ANKRD12: variants seen among roughly 807,000 people sequenced by gnomAD.
ANKRD12 encodes ankyrin repeat domain-containing protein 12.
ANKRD12 carries 85 observed loss-of-function variants against 183.4 expected under a neutral mutation model. The ratio of observed to expected loss-of-function variants is 0.46; its 90% CI spans 0.39 to 0.56. The LOEUF (loss-of-function observed/expected upper bound fraction) is 0.56. Among genes scored for constraint, ANKRD12 ranks in the 20% least tolerant of loss-of-function variants. The pLI is 0.00. For synonymous variants in ANKRD12, 914 were observed against 800.2 expected, an observed-to-expected ratio of 1.14 and a Z score of -2.40; for missense variants, 2,405 against 2,357.1, an observed-to-expected ratio of 1.02 and a Z score of -0.42.
At chr18:9,247,778 G>C (rs944248065) in intron 8 of ANKRD12, among the ~76,000 whole-genome samples, 14 of 148,972 alleles carry the variant, frequency 9.4e-5, no homozygotes, top group Non-Finnish European at 1.9e-4. Context: ...ATAGTTTTGG[G>C]GTTTTTTTGT....
chr18:9,151,493 G>A (rs114734788), intron 1 of ANKRD12, among the ~76,000 whole-genome samples: 1,573 of 152,216 alleles, frequency 0.01, 22 homozygotes, highest in African/African-American at 0.036. Context: ...CAGAAATACT[G>A]AGAACTGATG....
intron 8 of ANKRD12, among the ~76,000 whole-genome samples, chr18:9,234,107 C>T (rs1378055600): frequency 1.3e-5 from 2 of 152,130 alleles, no homozygotes; most frequent in African/African-American, 2.4e-5. Flanking sequence ...TCAGCAGAGC[C>T]GCACAGAATG....
At chr18:9,269,109 T>C (rs1348386031) in intron 10 of ANKRD12, among the ~76,000 whole-genome samples, 1 of 151,964 alleles carries the variant, frequency 6.6e-6, no homozygotes, top group Non-Finnish European at 1.5e-5. Flanking sequence ...CACTGCTCAA[T>C]GAAATAAAAG....
At position 9,257,356 on chromosome 18, in the gene ANKRD12, T is replaced by C. The variant is rs1200359679; in HGVS notation, c.4089T>C (p.Ser1363=). 1 of 1,614,180 alleles carries C rather than the reference T, an allele frequency of 6.2e-7. No homozygotes were observed. Among genetic ancestry groups the C allele is most frequent in the South Asian group, 1.1e-5 (1 of 91,090 alleles). ...CTGAAAGAGACCTTTCAAATGTATC[T>C]AACATACATTCCAGTTTTGCAACTT... The part of the protein sequence containing the change: ...NVPERDLSNV[S]NIHSSFATSP... The change falls in exon 9 of 13, where the codon TCT becomes TCC. Residue 1363 remains serine, a synonymous_variant. Coordinates refer to ENST00000262126, the MANE Select transcript of ANKRD12 (RefSeq NM_015208.5).
intron 8 of ANKRD12, among the ~76,000 whole-genome samples, chr18:9,234,809 A>G (rs1347044812): frequency 1.3e-5 from 2 of 152,082 alleles, no homozygotes; most frequent in African/African-American, 4.8e-5. Flanking sequence ...CGCTGCCCAC[A>G]CTAGTTTCAG....
intron 8 of ANKRD12, among the ~76,000 whole-genome samples, chr18:9,227,703 A>G (rs1282853165): frequency 6.6e-6 from 1 of 152,138 alleles, no homozygotes; most frequent in African/African-American, 2.4e-5. Flanking sequence ...TCATTTGCAT[A>G]TTTATGAGGT....
chr18:9,156,420 G>A (rs1037336593), intron 1 of ANKRD12, among the ~76,000 whole-genome samples: 1 of 152,136 alleles, frequency 6.6e-6, no homozygotes, highest in Non-Finnish European at 1.5e-5. Context: ...TGGAAAGACA[G>A]AGTATTGGTG....
intron 1 of ANKRD12, among the ~76,000 whole-genome samples, chr18:9,177,794 C>CT (rs1328664191): frequency 1.3e-5 from 2 of 152,262 alleles, no homozygotes; most frequent in East Asian, 1.9e-4. Flanking sequence ...GTGAGATCAA[C>CT]TTTTTTTAGC....
chr18:9,159,285 G>A (rs958715978), intron 1 of ANKRD12, among the ~76,000 whole-genome samples: 1 of 152,064 alleles, frequency 6.6e-6, no homozygotes, highest in Non-Finnish European at 1.5e-5. Flanking sequence ...GTTTGTGTCT[G>A]TATTAAAGTA....
chr18:9,280,415 GGACCCGT>G (rs2040056514), intron 12 of ANKRD12, among the ~76,000 whole-genome samples: 1 of 152,120 alleles, frequency 6.6e-6, no homozygotes, highest in African/African-American at 2.4e-5. Flanking sequence ...CGGGGGTTGG[GGACCCGT>G]GCTGTATAAG....
chr18:9,256,862 C>G lies in ANKRD12; in HGVS notation c.3595C>G (p.Leu1199Val). ...TAGATCAGAAAATGAAAAGCCGGGTCTCAGCTCCAGATCTGTATCCATGAT... is the reference window on the plus strand; with the variant it reads ...TAGATCAGAAAATGAAAAGCCGGGTGTCAGCTCCAGATCTGTATCCATGAT... ...SPRSENEKPGLSSRSVSMISV... is the reference protein window; with the variant it reads ...SPRSENEKPGVSSRSVSMISV... The change falls in exon 9 of 13, where the codon CTC becomes GTC. Residue 1199 changes from leucine to valine, a missense_variant. Leu to Val is a conservative substitution (Grantham distance 32, BLOSUM62 1). Around this residue, in one of 7 missense-constraint regions of ANKRD12, gnomAD observed 1,983 missense variants for 1,725.9 expected, o/e 1.15. Coordinates refer to ENST00000262126, the MANE Select transcript of ANKRD12 (RefSeq NM_015208.5). 6.2e-7 allele frequency: 1 copy of G among 1,613,968 alleles called. No individual in the cohort carries two copies. The highest frequency in any genetic ancestry group is 8.5e-7 in the Non-Finnish European group (1 of 1,179,946).
rs974537606 is a variant in ANKRD12, at chr18:9,283,544, T to G, written c.*2418T>G. 1 of 152,436 alleles carries G rather than the reference T, an allele frequency of 6.6e-6. No homozygotes were observed. Among genetic ancestry groups the G allele is most frequent in the South Asian group, 2.1e-4 (1 of 4,830 alleles). The allele number at this position is 152,436 out of a possible 1,614,324, so 9.4% of individuals were successfully genotyped here. On this transcript the variant is annotated 3_prime_UTR_variant, in exon 13 of 13. Coordinates refer to ENST00000262126, the MANE Select transcript of ANKRD12 (RefSeq NM_015208.5). ...GAAGCTCTGAAATGCTAGAAAAAAA[T>G]TTGGAATGGAGTATATGCCTGAAAA...
intron 8 of ANKRD12, among the ~76,000 whole-genome samples, chr18:9,223,696 A>C (rs2036551111): frequency 6.6e-6 from 1 of 152,212 alleles, no homozygotes; most frequent in Non-Finnish European, 1.5e-5. Context: ...ACACTGTCAA[A>C]ATATATAAAG....
intron 1 of ANKRD12, among the ~76,000 whole-genome samples, chr18:9,145,322 T>C (rs991888402): frequency 3.3e-5 from 5 of 152,182 alleles, no homozygotes; most frequent in African/African-American, 1.2e-4. Flanking sequence ...TTTACATAAT[T>C]AACAGTTTTT....
At chr18:9,157,585 G>GTGTGTGTGTGTGTATATA (rs1472659778) in intron 1 of ANKRD12, among the ~76,000 whole-genome samples, 10 of 92,704 alleles carry the variant, frequency 1.1e-4, no homozygotes, top group African/African-American at 3.7e-4. Context: ...GTGTGTGTGT[G>GTGTGTGTGTGTGTATATA]TATATATATA....
intron 8 of ANKRD12, among the ~76,000 whole-genome samples, chr18:9,235,326 A>G (rs1300669914): frequency 2.0e-5 from 3 of 152,200 alleles, no homozygotes; most frequent in South Asian, 4.1e-4. Context: ...ATGCCTGTTA[A>G]CAAAAACAAA....
chr18:9,235,373 G>A (rs1395056587), intron 8 of ANKRD12, among the ~76,000 whole-genome samples: 1 of 152,080 alleles, frequency 6.6e-6, no homozygotes, highest in East Asian at 1.9e-4. Flanking sequence ...TCTTGCCTTC[G>A]TTATATGAAC....
At chr18:9,164,758 G>A (rs2031850764) in intron 1 of ANKRD12, among the ~76,000 whole-genome samples, 1 of 152,140 alleles carries the variant, frequency 6.6e-6, no homozygotes, top group Admixed American at 6.5e-5. Context: ...TTCTAAGAGA[G>A]TTTGTTGTAA....
intron 1 of ANKRD12, among the ~76,000 whole-genome samples, chr18:9,150,362 T>C (rs2078646330): frequency 2.0e-5 from 3 of 152,218 alleles, no homozygotes; most frequent in South Asian, 4.1e-4. Flanking sequence ...CCCAGAACGC[T>C]GTAGGACTCC....
Sources: allele counts gnomAD v4.1 joint callset (sites outside exome capture counted in the v4.1 genomes callset), GRCh38; gene constraint gnomAD v4.1.1; regional missense constraint gnomAD v4.1.1; transcripts MANE v1.5; gene names NCBI Gene and HGNC (gene_info 2026-07-23, HGNC 2026-07-21).